The following FBXO9 variants were observed in gnomAD, a reference collection of about 807,000 sequenced individuals.
The protein encoded by FBXO9 is F-box only protein 9.
Under a neutral mutation model 63.7 loss-of-function variants are expected in FBXO9, and 43 were observed. The ratio of observed to expected loss-of-function variants is 0.67; its 90% CI spans 0.53 to 0.87. The LOEUF (loss-of-function observed/expected upper bound fraction) is 0.87, where lower values mean the gene tolerates loss of function less well. Ranked by LOEUF, FBXO9 falls within the 40% of genes least tolerant of loss-of-function variation. The probability of loss-of-function intolerance (pLI) is 0.00; values close to 1 mark genes in which losing one functional copy is unlikely to be tolerated. For missense variants in FBXO9, 442 were observed against 533.2 expected (o/e 0.83, Z 1.68); for synonymous variants, 156 against 171.7 (o/e 0.91, Z 0.72).
intron 11 of FBXO9, chr6:53,094,824 G>A (rs1377155624): frequency 2.4e-6 from 1 of 419,362 alleles, no homozygotes; most frequent in Admixed American, 2.8e-5. Context: ...CTTTGACTGT[G>A]ACTGCAGGTT....
At chr6:53,070,547 T>TA (rs1456314376) in intron 1 of FBXO9, among the ~76,000 whole-genome samples, 1 of 151,998 alleles carries the variant, frequency 6.6e-6, no homozygotes, top group Non-Finnish European at 1.5e-5. Context: ...AATACAACAA[T>TA]AAAAAATAAT....
chr6:53,078,805 A>G lies in FBXO9; in HGVS notation c.314A>G (p.Lys105Arg). Residue 105 changes from lysine to arginine, a missense_variant, in exon 5 of 13, where the codon AAG becomes AGG. Lys to Arg is a conservative substitution (Grantham distance 26). Around this residue, in one of 2 missense-constraint regions of FBXO9, gnomAD observed 180 missense variants for 171.1 expected, o/e 1.05. Coordinates refer to ENST00000323557, the MANE Select transcript of FBXO9 (RefSeq NM_033480.3). ...GCTTTATTTCTTCTTTTAGCCATCAAGTTTTATCGTAGGGCTATGCAACTT... is the reference window on the plus strand; with the variant it reads ...GCTTTATTTCTTCTTTTAGCCATCAGGTTTTATCGTAGGGCTATGCAACTT... The part of the protein sequence containing the change: ...EQNGALYEAI[K>R]FYRRAMQLVP... 6.2e-7 allele frequency: 1 copy of G among 1,610,610 alleles called. No homozygotes were observed. The highest frequency in any genetic ancestry group is 8.5e-7 in the Non-Finnish European group (1 of 1,177,348).
rs1402099201 is a variant in FBXO9, at chr6:53,069,998, A to G, written c.4-1059A>G. On this transcript the variant is annotated intron_variant, in intron 1 of 12. Coordinates refer to ENST00000323557, the MANE Select transcript of FBXO9 (RefSeq NM_033480.3). ...TTCATTTTTTTCTAAGAAGAATAAT[A>G]TTTTTCTTTTCTTTTTTCCTTTTTT... Among the ~76,000 whole-genome samples, 4 of 107,900 alleles carry G rather than the reference A, an allele frequency of 3.7e-5. No homozygotes were observed. In the East Asian group the frequency reaches 7.5e-4, roughly 20 times the overall value. The allele number at this position is 107,900 out of a possible 152,430, so 70.8% of individuals were successfully genotyped here. A position where few individuals can be genotyped will look rare whatever the true frequency, so the allele number is the denominator to read the frequency against.
chr6:53,071,191 A>T, intron 2 of FBXO9, 48 bp downstream of exon 2: 5 of 1,498,852 alleles, frequency 3.3e-6, no homozygotes, highest in Non-Finnish European at 3.6e-6. Flanking sequence ...TTGTTCCCAT[A>T]CATATGCAGA....
At chr6:53,067,855 A>G (rs1768762336) in intron 1 of FBXO9, 1 of 152,142 alleles carries the variant, frequency 6.6e-6, no homozygotes, top group African/African-American at 2.4e-5. Context: ...TAAATTTTCC[A>G]TTTTTCTAGA....
chr6:53,081,430 C>T (rs1021737705), intron 6 of FBXO9, among the ~76,000 whole-genome samples: 4 of 152,126 alleles, frequency 2.6e-5, no homozygotes, highest in Non-Finnish European at 5.9e-5. Context: ...TGCCACCACA[C>T]CCAGCTAAAT....
chr6:53,076,566 C>G (rs1769118207), intron 4 of FBXO9, 23 bp downstream of exon 4: 2 of 1,470,860 alleles, frequency 1.4e-6, no homozygotes, highest in Admixed American at 5.6e-5. Flanking sequence ...AGCCCAGGTT[C>G]ATATCATAAC....
intron 5 of FBXO9, among the ~76,000 whole-genome samples, chr6:53,079,808 T>TG (rs1313182579): frequency 6.6e-6 from 1 of 152,172 alleles, no homozygotes; most frequent in Non-Finnish European, 1.5e-5. Context: ...TTGCCAATGT[T>TG]TTTTAACTGC....
chr6:53,080,301 T>TTTTTTTTG lies in FBXO9; in HGVS notation c.408-651_408-644dup, dbSNP rs1186352162. On this transcript the variant is annotated intron_variant, in intron 5 of 12. Coordinates refer to ENST00000323557, the MANE Select transcript of FBXO9 (RefSeq NM_033480.3). ...TATTACAAAATGCCCTTCCTGGTTT[T>TTTTTTTTG]TTTTTTTGTTTTTTTGTTTTTTTTA... Among the ~76,000 whole-genome samples, 18 of 152,152 alleles carry TTTTTTTTG rather than the reference T, an allele frequency of 1.2e-4. No homozygotes were observed. In the East Asian group the frequency reaches 3.5e-3, roughly 29 times the overall value.
chr6:53,070,832 T>C, intron 1 of FBXO9: 1 of 541,420 alleles, frequency 1.8e-6, no homozygotes, highest in Non-Finnish European at 3.1e-6. Flanking sequence ...CACAATAACG[T>C]GAGTACTGTG....
intron 7 of FBXO9, 146 bp downstream of exon 7, chr6:53,082,764 T>G (rs926225731): frequency 1.2e-5 from 7 of 597,894 alleles, no homozygotes; most frequent in Non-Finnish European, 2.1e-5. Context: ...GTACTTAACT[T>G]TCTCAAATAA....
intron 9 of FBXO9, chr6:53,093,252 G>A: frequency 6.6e-6 from 3 of 454,070 alleles, no homozygotes; most frequent in South Asian, 5.3e-5. Context: ...AAGTTCAACA[G>A]TTTCCCCTGA....
upstream of FBXO9, chr6:53,065,357 G>A (rs967417708): frequency 1.2e-5 from 2 of 165,924 alleles, no homozygotes; most frequent in African/African-American, 4.8e-5. Flanking sequence ...GGCAGCCCGC[G>A]GGGATGGGTG....
In FBXO9 at chr6:53,070,017, C is replaced by CTT. The variant is rs1032693222; in HGVS notation, c.4-1018_4-1017dup. ...AATAATATTTTTCTTTTCTTTTTTC[C>CTT]TTTTTTTTTTTTTTTTTTTTTTTAT... On this transcript the variant is annotated intron_variant, in intron 1 of 12. Coordinates refer to ENST00000323557, the MANE Select transcript of FBXO9 (RefSeq NM_033480.3). Among the ~76,000 whole-genome samples, 397 of 109,376 alleles carry CTT rather than the reference C, an allele frequency of 3.6e-3. 3 individuals are homozygous for CTT. The highest frequency in any genetic ancestry group is 0.017 in the East Asian group (63 of 3,782). 71.8% of individuals were successfully genotyped at this position (109,376 alleles called of 152,430 possible). A position where few individuals can be genotyped will look rare whatever the true frequency, so the allele number is the denominator to read the frequency against.
intron 4 of FBXO9, among the ~76,000 whole-genome samples, chr6:53,077,485 A>G (rs1364699235): frequency 1.3e-5 from 2 of 149,774 alleles, no homozygotes; most frequent in African/African-American, 4.9e-5. Context: ...AAAAAAAAAA[A>G]AAAAAAAAAA....
chr6:53,065,967 G>A, intron 1 of FBXO9, 175 bp downstream of exon 1: 1 of 1,159,194 alleles, frequency 8.6e-7, no homozygotes, highest in Non-Finnish European at 1.1e-6. Context: ...GGCGGGGGGT[G>A]CCAACCCTGG....
intron 6 of FBXO9, among the ~76,000 whole-genome samples, chr6:53,081,492 C>T (rs944612305): frequency 3.9e-5 from 6 of 152,142 alleles, no homozygotes; most frequent in African/African-American, 7.2e-5. Context: ...AGGCTGGTCT[C>T]GAACTCCTGA....
chr6:53,090,018 G>A (rs1763001102), intron 7 of FBXO9, among the ~76,000 whole-genome samples: 1 of 152,172 alleles, frequency 6.6e-6, no homozygotes. Context: ...AGTAAACCAT[G>A]TGCTTATTCA....
chr6:53,070,246 C>G (rs1433639695), intron 1 of FBXO9, among the ~76,000 whole-genome samples: 1 of 151,776 alleles, frequency 6.6e-6, no homozygotes, highest in African/African-American at 2.4e-5. Context: ...TCTTGAACTC[C>G]TGACCTCAAG....
Sources: allele counts gnomAD v4.1 joint callset (sites outside exome capture counted in the v4.1 genomes callset), GRCh38; gene constraint gnomAD v4.1.1; regional missense constraint gnomAD v4.1.1; transcripts MANE v1.5; gene names NCBI Gene and HGNC (gene_info 2026-07-23, HGNC 2026-07-21).